The following NRXN3 variants were observed in gnomAD, a reference collection of about 807,000 sequenced individuals.
NRXN3 encodes the protein neurexin III.
NRXN3 carries 32 observed loss-of-function variants against 137.6 expected under a neutral mutation model. That is an observed-to-expected ratio of 0.23 (90% CI 0.18 to 0.31). The LOEUF is 0.31. Ranked by LOEUF, NRXN3 falls within the 10% of genes least tolerant of loss-of-function variation. The probability of loss-of-function intolerance (pLI) is 1.00; values close to 1 mark genes in which losing one functional copy is unlikely to be tolerated. For missense variants in NRXN3, 1,574 were observed against 2,062.5 expected, an observed-to-expected ratio of 0.76 and a Z score of 4.59; for synonymous variants, 798 against 784.5, an observed-to-expected ratio of 1.02 and a Z score of -0.29.
intron 16 of NRXN3, among the ~76,000 whole-genome samples, chr14:79,587,313 G>A (rs569372692): frequency 3.3e-5 from 5 of 152,230 alleles, no homozygotes; most frequent in African/African-American, 1.2e-4. Context: ...GTTTCCTTTG[G>A]CTTCTTCTTG....
At chr14:79,225,659 C>G (rs755687742) in intron 15 of NRXN3, among the ~76,000 whole-genome samples, 2 of 152,026 alleles carry the variant, frequency 1.3e-5, no homozygotes, top group African/African-American at 4.8e-5. Context: ...CTTTTTACCC[C>G]CTGAATCTAA....
intron 8 of NRXN3, among the ~76,000 whole-genome samples, chr14:78,740,455 T>C (rs1395098794): frequency 6.6e-6 from 1 of 152,052 alleles, no homozygotes; most frequent in Admixed American, 6.6e-5. Flanking sequence ...GTAAAATTCT[T>C]CTAAAAGACA....
At chr14:79,030,531 T>C (rs2099606111) in intron 15 of NRXN3, among the ~76,000 whole-genome samples, 2 of 152,062 alleles carry the variant, frequency 1.3e-5, no homozygotes, top group Non-Finnish European at 2.9e-5. Flanking sequence ...TCAATCTTTT[T>C]TATTTGTAAG....
At chr14:78,571,518 T>A (rs2096889212) in intron 4 of NRXN3, among the ~76,000 whole-genome samples, 1 of 152,210 alleles carries the variant, frequency 6.6e-6, no homozygotes, top group African/African-American at 2.4e-5. Flanking sequence ...TGAATAAGAC[T>A]GTGTTTGAAT....
At chr14:78,607,449 G>A (rs1345809212) in intron 4 of NRXN3, among the ~76,000 whole-genome samples, 1 of 151,546 alleles carries the variant, frequency 6.6e-6, no homozygotes, top group Non-Finnish European at 1.5e-5. Flanking sequence ...CTGACACAGT[G>A]ATCTCACCTC....
At chr14:78,791,412 CAG>C (rs1164959136) in intron 8 of NRXN3, among the ~76,000 whole-genome samples, 1 of 152,068 alleles carries the variant, frequency 6.6e-6, no homozygotes, top group Non-Finnish European at 1.5e-5. Context: ...AGGAGCAAGA[CAG>C]AATTCTGAAG....
intron 4 of NRXN3, among the ~76,000 whole-genome samples, chr14:78,502,277 A>C (rs73322305): frequency 0.027 from 4,130 of 152,322 alleles, 160 homozygotes; most frequent in East Asian, 0.1. Context: ...CAAGAGCCTC[A>C]TGATCTGCCT....
At chr14:79,478,330 G>A (rs886201925) in intron 16 of NRXN3, among the ~76,000 whole-genome samples, 4 of 151,922 alleles carry the variant, frequency 2.6e-5, no homozygotes, top group Non-Finnish European at 4.4e-5. Flanking sequence ...CAAAACAAAT[G>A]AGAGACTTCC....
At chr14:78,659,581 G>T (rs889212921) in intron 6 of NRXN3, among the ~76,000 whole-genome samples, 7 of 152,024 alleles carry the variant, frequency 4.6e-5, no homozygotes, top group African/African-American at 1.7e-4. Flanking sequence ...ATTTTGGAGG[G>T]AGGTGGGAGG....
At chr14:79,359,993 G>A (rs2093627726) in intron 15 of NRXN3, among the ~76,000 whole-genome samples, 1 of 152,098 alleles carries the variant, frequency 6.6e-6, no homozygotes, top group Non-Finnish European at 1.5e-5. Flanking sequence ...CTTGGAAGGT[G>A]GAAACAGGCA....
chr14:79,410,054 A>G (rs1366007679), intron 15 of NRXN3, among the ~76,000 whole-genome samples: 3 of 151,900 alleles, frequency 2.0e-5, no homozygotes, highest in African/African-American at 7.2e-5. Context: ...AGTTCTAGTT[A>G]AGGTTTTTTT....
intron 15 of NRXN3, among the ~76,000 whole-genome samples, chr14:79,288,652 CCA>C (rs1300098134): frequency 6.6e-6 from 1 of 152,160 alleles, no homozygotes; most frequent in African/African-American, 2.4e-5. Flanking sequence ...TTCTGCTGTA[CCA>C]CACAGTCTGT....
intron 16 of NRXN3, among the ~76,000 whole-genome samples, chr14:79,478,226 T>A (rs866186073): frequency 6.7e-6 from 1 of 148,864 alleles, no homozygotes; most frequent in Non-Finnish European, 1.5e-5. Flanking sequence ...ATATTAAATA[T>A]ATACATATAC....
chr14:79,166,932 ATTTCT>A (rs1343424964), intron 15 of NRXN3, among the ~76,000 whole-genome samples: 1 of 151,924 alleles, frequency 6.6e-6, no homozygotes, highest in African/African-American at 2.4e-5. Flanking sequence ...GAAAACATTG[ATTTCT>A]TTTAATCCTC....
At chr14:78,250,481 G>A (rs1191003923) in intron 2 of NRXN3, among the ~76,000 whole-genome samples, 1 of 152,218 alleles carries the variant, frequency 6.6e-6, no homozygotes, top group Non-Finnish European at 1.5e-5. Flanking sequence ...AGAGATAAAA[G>A]GAGGGGAATT....
At chr14:78,945,856 G>A (rs572307309) in intron 10 of NRXN3, among the ~76,000 whole-genome samples, 22 of 152,282 alleles carry the variant, frequency 1.4e-4, no homozygotes, top group African/African-American at 3.1e-4. Context: ...CTGATTTGTC[G>A]CATCCTGGAT....
intron 19 of NRXN3, among the ~76,000 whole-genome samples, chr14:79,738,489 G>C (rs2098949849): frequency 6.6e-6 from 1 of 152,120 alleles, no homozygotes; most frequent in African/African-American, 2.4e-5. Context: ...CTGATGTCTT[G>C]GTTTCAGCTC....
chr14:78,840,038 C>T (rs550004876), intron 10 of NRXN3, among the ~76,000 whole-genome samples: 1 of 152,288 alleles, frequency 6.6e-6, no homozygotes, highest in African/African-American at 2.4e-5. Flanking sequence ...TTTCTATTCT[C>T]AGAATAGGTT....
intron 19 of NRXN3, among the ~76,000 whole-genome samples, chr14:79,764,978 T>G (rs2099051336): frequency 6.6e-6 from 1 of 152,198 alleles, no homozygotes; most frequent in African/African-American, 2.4e-5. Flanking sequence ...TTTAAACAAT[T>G]AAATATGCTC....
Sources: gnomAD v4.1 joint callset for allele counts (sites outside exome capture counted in the v4.1 genomes callset) on GRCh38, gnomAD v4.1.1 for gene constraint, MANE v1.5 for transcripts, NCBI Gene and HGNC (gene_info 2026-07-23, HGNC 2026-07-21) for gene names.